The following ZKSCAN1 variants were observed in gnomAD, a reference collection of about 807,000 sequenced individuals.
The protein encoded by ZKSCAN1 is zinc finger protein with KRAB and SCAN domains 1.
Under a neutral mutation model 51.6 loss-of-function variants are expected in ZKSCAN1, and 14 were observed. The observed-to-expected ratio is 0.27, with a 90% CI of 0.18 to 0.42. The LOEUF (loss-of-function observed/expected upper bound fraction) is 0.42, where lower values mean the gene tolerates loss of function less well. Ranked by LOEUF, ZKSCAN1 falls within the 10% of genes least tolerant of loss-of-function variation. The probability of loss-of-function intolerance (pLI) is 1.00; values close to 1 mark genes in which losing one functional copy is unlikely to be tolerated. For synonymous variants in ZKSCAN1, 263 were observed against 261.5 expected, an observed-to-expected ratio of 1.01 and a Z score of -0.06; for missense variants, 531 against 710.0, an observed-to-expected ratio of 0.75 and a Z score of 2.86.
At chr7:100,018,046 C>A (rs773254242) in intron 1 of ZKSCAN1, among the ~76,000 whole-genome samples, 1 of 152,206 alleles carries the variant, frequency 6.6e-6, no homozygotes, top group Non-Finnish European at 1.5e-5. Context: ...ATCCTCACGG[C>A]AACTCTATGG....
chr7:100,044,021 C>T (rs1171483230), downstream of ZKSCAN1, among the ~76,000 whole-genome samples: 4 of 152,056 alleles, frequency 2.6e-5, no homozygotes, highest in South Asian at 8.3e-4. Context: ...AAGTGATCCA[C>T]CTGCCTCAGC....
At position 100,033,766 on chromosome 7, in the gene ZKSCAN1, G is replaced by T. The variant is rs779064357; in HGVS notation, c.1261G>T (p.Val421Phe). The T allele has an allele frequency of 6.2e-7, 1 of 1,614,054 alleles. No homozygotes were observed. The highest frequency in any genetic ancestry group is 8.5e-7 in the Non-Finnish European group (1 of 1,180,018). Residue 421 changes from valine to phenylalanine, a missense_variant, in exon 6 of 6, where the codon GTC (valine) becomes TTC (phenylalanine). Physicochemically the swap from Val to Phe is conservative, Grantham distance 50. Coordinates refer to ENST00000324306, the MANE Select transcript of ZKSCAN1 (RefSeq NM_003439.4). The surrounding 1 kb of genome is among the most constrained non-coding windows in gnomAD (Gnocchi z 4.1). The stretch of plus-strand genomic sequence containing the variant: ...AGCCTTCAGTCTTAACTCCAACCTT[G>T]TCCTGCATCAGAGGATCCACACAGG... ...GKAFSLNSNL[V>F]LHQRIHTGEK...
At position 100,036,032 on chromosome 7, in the gene ZKSCAN1, C is replaced by G. The variant is rs1348662084; in HGVS notation, c.*1835C>G. 1.0e-6 allele frequency: 1 copy of G among 985,306 alleles called. No homozygotes were observed. Among genetic ancestry groups the G allele is most frequent in the African/African-American group, 1.7e-5 (1 of 57,230 alleles). 61.0% of individuals were successfully genotyped at this position (985,306 alleles called of 1,614,324 possible). On this transcript the variant is annotated 3_prime_UTR_variant, in exon 6 of 6. Transcript: ENST00000324306. Reference sequence around the variant, plus strand: ...GAGACTTTCCCTTGAGAAACTTATACTAAAACTATTACTCATCAGTCATTC... The same window carrying G: ...GAGACTTTCCCTTGAGAAACTTATAGTAAAACTATTACTCATCAGTCATTC...
Position 100,039,206 on chromosome 7 carries a change from G to A in ZKSCAN1, c.*5009G>A. ...GGGCGCCTGTAGTCCCAGCTACTCA[G>A]GAGGCTGAGGCAGGAGAATCACCTA... On this transcript the variant is annotated 3_prime_UTR_variant, in exon 6 of 6. Coordinates refer to ENST00000324306, the MANE Select transcript of ZKSCAN1 (RefSeq NM_003439.4). 3.6e-6 allele frequency: 2 copies of A among 558,256 alleles called. No homozygotes were observed. The highest frequency in any genetic ancestry group is 4.5e-6 in the Non-Finnish European group (2 of 440,386). The allele number at this position is 558,256 out of a possible 1,614,324, so 34.6% of individuals were successfully genotyped here. A position where few individuals can be genotyped will look rare whatever the true frequency, so the allele number is the denominator to read the frequency against.
intron 3 of ZKSCAN1, among the ~76,000 whole-genome samples, chr7:100,029,200 G>T (rs923873902): frequency 6.7e-6 from 1 of 150,148 alleles, no homozygotes; most frequent in African/African-American, 2.5e-5. Flanking sequence ...CTTACCCAGA[G>T]CTAAGGAGAC....
chr7:100,035,082 A>G lies in ZKSCAN1; in HGVS notation c.*885A>G, dbSNP rs977742508. 6.6e-6 allele frequency: 1 copy of G among 152,634 alleles called. No individual in the cohort carries two copies. The highest frequency in any genetic ancestry group is 1.5e-5 in the Non-Finnish European group (1 of 68,068). The allele number at this position is 152,634 out of a possible 1,614,324, so 9.5% of individuals were successfully genotyped here. On this transcript the variant is annotated 3_prime_UTR_variant, in exon 6 of 6. Coordinates refer to ENST00000324306, the MANE Select transcript of ZKSCAN1 (RefSeq NM_003439.4). ...TTCGGTTGTCAAGGGATATATTTCT[A>G]TCCCTGCCAGCACAGTGCTGGACAT...
rs1043253543 is a variant in ZKSCAN1, at chr7:100,039,567, T to A, written c.*5370T>A. 10 of 985,322 alleles carry A rather than the reference T, an allele frequency of 1.0e-5. No homozygotes were observed. The highest frequency in any genetic ancestry group is 2.3e-4 in the East Asian group (2 of 8,826). The allele number at this position is 985,322 out of a possible 1,614,324, so 61.0% of individuals were successfully genotyped here. ...TCGTTGCTGTGAAAGAATCTTTTTT[T>A]AATTTTTATCCTAGAGTCAGTCACT... On this transcript the variant is annotated 3_prime_UTR_variant, in exon 6 of 6. Transcript: ENST00000324306.
chr7:100,023,683 C>T lies in ZKSCAN1; in HGVS notation c.177C>T (p.Phe59=), dbSNP rs1413855413. 2.5e-6 allele frequency: 4 copies of T among 1,614,228 alleles called. No homozygotes were observed. The highest frequency in any genetic ancestry group is 1.1e-5 in the South Asian group (1 of 91,086). Residue 59 remains phenylalanine (F), a synonymous_variant, in exon 2 of 6, where the codon TTC becomes TTT. Transcript: ENST00000324306. ...ACCCAGAGATATTCCGCCAACGCTT[C>T]AGGCGCTTCTGTTACCAGAACACTT... The part of the protein sequence containing the change: ...PPDPEIFRQR[F]RRFCYQNTFG...
intron 4 of ZKSCAN1, 57 bp downstream of exon 4, chr7:100,030,009 C>G (rs898603478): frequency 2.5e-6 from 4 of 1,584,866 alleles, no homozygotes; most frequent in Non-Finnish European, 3.5e-6. Flanking sequence ...TGTTCCTGAG[C>G]TCTCTTCATT....
At position 100,034,607 on chromosome 7, in the gene ZKSCAN1, A is replaced by C; in HGVS notation, c.*410A>C. ...ATGCTACTTGCTGCAAACAAGCCCT[A>C]CTTTGGCCAACATCCTGCTTATTTC... On this transcript the variant is annotated 3_prime_UTR_variant, in exon 6 of 6. Transcript: ENST00000324306. 1 of 980,560 alleles carries C rather than the reference A, an allele frequency of 1.0e-6. No individual in the cohort carries two copies. The highest frequency in any genetic ancestry group is 1.2e-6 in the Non-Finnish European group (1 of 823,062). 60.7% of individuals were successfully genotyped at this position (980,560 alleles called of 1,614,324 possible).
chr7:100,027,467 G>A (rs1256505701), intron 3 of ZKSCAN1, among the ~76,000 whole-genome samples: 3 of 151,906 alleles, frequency 2.0e-5, no homozygotes, highest in Admixed American at 2.0e-4. Flanking sequence ...CTGGTGCACC[G>A]TGGCCAGGCG....
At chr7:100,026,803 T>G (rs1171310305) in intron 3 of ZKSCAN1, among the ~76,000 whole-genome samples, 1 of 152,184 alleles carries the variant, frequency 6.6e-6, no homozygotes, top group Non-Finnish European at 1.5e-5. Context: ...CTTTTTGATT[T>G]TTTTAACTTT....
rs1026169490 is a variant in ZKSCAN1 at position 100,035,753 on chromosome 7, G to T, written c.*1556G>T. The T allele has an allele frequency of 2.6e-6, 2 of 755,584 alleles. No individual in the cohort carries two copies. Among genetic ancestry groups the T allele is most frequent in the Non-Finnish European group, 3.2e-6 (2 of 620,452 alleles). The allele number at this position is 755,584 out of a possible 1,614,324, so 46.8% of individuals were successfully genotyped here. ...TTTCTGTTTCTTATCACTAAAGACT[G>T]AGGTGAGGTTATGAAACTTTCATTG... is the stretch of plus-strand genomic sequence containing the variant. On this transcript the variant is annotated 3_prime_UTR_variant, in exon 6 of 6. Transcript: ENST00000324306.
chr7:100,038,100 T>A lies in ZKSCAN1; in HGVS notation c.*3903T>A. Reference sequence around the variant, plus strand: ...TGAAAAAAAATGTGGGGAAATGCTTTAAAAAAATAGCAAAATGTGCAACTT... The same window carrying A: ...TGAAAAAAAATGTGGGGAAATGCTTAAAAAAAATAGCAAAATGTGCAACTT... On this transcript the variant is annotated 3_prime_UTR_variant, in exon 6 of 6. Coordinates refer to ENST00000324306, the MANE Select transcript of ZKSCAN1 (RefSeq NM_003439.4). The A allele has an allele frequency of 1.0e-6, 1 of 985,266 alleles. No individual in the cohort carries two copies. The highest frequency in any genetic ancestry group is 1.1e-4 in the East Asian group (1 of 8,828). 61.0% of individuals were successfully genotyped at this position (985,266 alleles called of 1,614,324 possible).
chr7:100,030,000 G>T (rs1791037991), intron 4 of ZKSCAN1, 48 bp downstream of exon 4: 1 of 1,596,874 alleles, frequency 6.3e-7, no homozygotes, highest in Non-Finnish European at 8.6e-7. Flanking sequence ...GTCTGCCTCT[G>T]TTCCTGAGCT....
chr7:100,030,359 G>T lies in ZKSCAN1; in HGVS notation c.783G>T (p.Gly261=). Residue 261 remains glycine, a synonymous_variant, in exon 5 of 6, where the codon GGG becomes GGT. Coordinates refer to ENST00000324306, the MANE Select transcript of ZKSCAN1 (RefSeq NM_003439.4). ...LSRDNRQENY[G]SAFPQGGENR... is the part of the protein sequence containing the mutation. ...GGGACAACAGGCAGGAGAATTATGG[G>T]AGCGCATTTCCCCAGGGTAAGACGG... 1 of 1,613,930 alleles carries T rather than the reference G, an allele frequency of 6.2e-7. No homozygotes were observed.
chr7:100,022,140 C>T (rs185446683), intron 1 of ZKSCAN1, among the ~76,000 whole-genome samples: 49 of 152,290 alleles, frequency 3.2e-4, no homozygotes, highest in African/African-American at 9.1e-4. Context: ...CTGCAACCTC[C>T]GCCTCCTGGG....
At chr7:100,027,221 G>A (rs528942820) in intron 3 of ZKSCAN1, among the ~76,000 whole-genome samples, 4 of 151,742 alleles carry the variant, frequency 2.6e-5, no homozygotes, top group Non-Finnish European at 5.9e-5. Flanking sequence ...GCTTGAACCC[G>A]GGAGGTGGAG....
At chr7:100,045,089 G>C (rs1158275903), downstream of ZKSCAN1, 1 of 599,898 alleles carries the variant, frequency 1.7e-6, no homozygotes, top group Non-Finnish European at 2.1e-6. Context: ...CCGCTGCAAA[G>C]GGCACTGGAA....
Sources: allele counts gnomAD v4.1 joint callset (sites outside exome capture counted in the v4.1 genomes callset), GRCh38; gene constraint gnomAD v4.1.1; non-coding constraint Gnocchi (gnomAD v3.1); transcripts MANE v1.5; gene names NCBI Gene and HGNC (gene_info 2026-07-23, HGNC 2026-07-21).